Variants in VPS13B observed in about 807,000 individuals in gnomAD.
VPS13B encodes the protein intermembrane lipid transfer protein VPS13B.
A neutral mutation model predicts 426.4 loss-of-function variants in VPS13B; 285 were observed. The ratio of observed to expected loss-of-function variants is 0.67; its 90% CI spans 0.61 to 0.74. The LOEUF (loss-of-function observed/expected upper bound fraction) is 0.74. VPS13B is among the 30% of genes least tolerant of loss of function. VPS13B has a pLI of 0.00. For missense variants in VPS13B, 4,537 were observed against 4,782.6 expected (o/e 0.95, Z 1.51); for synonymous variants, 1,676 against 1,676.4 (o/e 1.00, Z 0.01).
chr8:99,423,331 A>G (rs891606959), intron 21 of VPS13B, among the ~76,000 whole-genome samples: 16 of 151,608 alleles, frequency 1.1e-4, no homozygotes, highest in African/African-American at 3.6e-4. Flanking sequence ...AACTTGACTC[A>G]CTGCAGCCTT....
chr8:99,280,775 A>T (rs1345683457), intron 19 of VPS13B, among the ~76,000 whole-genome samples: 1 of 152,104 alleles, frequency 6.6e-6, no homozygotes, highest in Non-Finnish European at 1.5e-5. Flanking sequence ...TCCTGGTCTG[A>T]TTTTATTCTT....
At chr8:99,571,975 C>T (rs528671801) in intron 31 of VPS13B, among the ~76,000 whole-genome samples, 1 of 152,124 alleles carries the variant, frequency 6.6e-6, no homozygotes. Flanking sequence ...AGAGTATTCT[C>T]TGGACTACTC....
At chr8:99,460,440 T>C (rs1176368614) in intron 23 of VPS13B, among the ~76,000 whole-genome samples, 1 of 152,174 alleles carries the variant, frequency 6.6e-6, no homozygotes, top group Non-Finnish European at 1.5e-5. Context: ...TACAGTGTTA[T>C]AATTATTGTT....
chr8:99,135,536 A>G (rs888658495), intron 10 of VPS13B, 60 bp from the exon 11 acceptor site: 1 of 1,581,422 alleles, frequency 6.3e-7, no homozygotes, highest in Non-Finnish European at 8.6e-7. Context: ...TCAAGGTTTT[A>G]TTTTGTTTAA....
At chr8:99,650,425 A>G (rs1402145773) in intron 34 of VPS13B, among the ~76,000 whole-genome samples, 1 of 152,188 alleles carries the variant, frequency 6.6e-6, no homozygotes, top group Non-Finnish European at 1.5e-5. Flanking sequence ...TCCCCAGCAC[A>G]TGTGACTGAT....
chr8:99,619,678 C>G (rs1011645558), intron 33 of VPS13B, among the ~76,000 whole-genome samples: 1 of 152,058 alleles, frequency 6.6e-6, no homozygotes, highest in African/African-American at 2.4e-5. Flanking sequence ...TTGAGACCAG[C>G]CTGGGCAATA....
chr8:99,610,451 G>A lies in VPS13B; in HGVS notation c.5221-31360G>A, dbSNP rs538345402. Among the ~76,000 whole-genome samples the A allele has an allele frequency of 2.6e-5, 4 of 152,258 alleles. No homozygotes were observed. In the South Asian group the frequency reaches 8.3e-4, roughly 32 times the overall value. Reference sequence around the variant, plus strand: ...TGTCCTTTGCGGGGACATGGATGAAGCTGGAAACCATCATTCTCAGCAAAC... The same window carrying A: ...TGTCCTTTGCGGGGACATGGATGAAACTGGAAACCATCATTCTCAGCAAAC... On this transcript the variant is annotated intron_variant, in intron 33 of 61. Coordinates refer to ENST00000357162, the MANE Select transcript of VPS13B (RefSeq NM_152564.5).
At chr8:99,282,511 A>G (rs1469644130) in intron 19 of VPS13B, among the ~76,000 whole-genome samples, 1 of 152,192 alleles carries the variant, frequency 6.6e-6, no homozygotes, top group African/African-American at 2.4e-5. Context: ...ACATTAGTTT[A>G]TGAACCTACT....
intron 21 of VPS13B, among the ~76,000 whole-genome samples, chr8:99,430,468 T>C (rs759129583): frequency 6.6e-6 from 1 of 152,188 alleles, no homozygotes; most frequent in Non-Finnish European, 1.5e-5. Flanking sequence ...ATTATATAAA[T>C]GTATCCAGTT....
At chr8:99,845,478 T>C (rs1342023721) in intron 54 of VPS13B, among the ~76,000 whole-genome samples, 1 of 152,106 alleles carries the variant, frequency 6.6e-6, no homozygotes, top group Non-Finnish European at 1.5e-5. Flanking sequence ...ACCTAGAGAG[T>C]TGGCTGAGGT....
Position 99,876,281 on chromosome 8 carries a change from G to A in VPS13B, c.*615G>A, listed in dbSNP as rs1401696443. 1 of 153,902 alleles carries A rather than the reference G, an allele frequency of 6.5e-6. No individual in the cohort carries two copies. The highest frequency in any genetic ancestry group is 6.4e-5 in the Admixed American group (1 of 15,692). The allele number at this position is 153,902 out of a possible 1,614,324, so 9.5% of individuals were successfully genotyped here. A position where few individuals can be genotyped will look rare whatever the true frequency, so the allele number is the denominator to read the frequency against. ...TAGGACTTTGTGGCTTGTTACATTT[G>A]TCATTTAACTGCAGTGCTATTCTTT... On this transcript the variant is annotated 3_prime_UTR_variant, in exon 62 of 62. Transcript: ENST00000357162.
intron 19 of VPS13B, among the ~76,000 whole-genome samples, chr8:99,335,526 G>A (rs954662224): frequency 1.3e-5 from 2 of 152,014 alleles, no homozygotes; most frequent in African/African-American, 2.4e-5. Flanking sequence ...CAATTAGGCA[G>A]GAGAAGGAAA....
intron 33 of VPS13B, among the ~76,000 whole-genome samples, chr8:99,608,936 C>T (rs538271093): frequency 6.6e-6 from 1 of 151,862 alleles, no homozygotes; most frequent in East Asian, 1.9e-4. Context: ...TTGTTTCCAC[C>T]TTTTGGCTAT....
At chr8:99,013,707 C>G in intron 1 of VPS13B, 53 bp from the exon 2 acceptor site, 1 of 1,561,024 alleles carries the variant, frequency 6.4e-7, no homozygotes, top group Non-Finnish European at 8.8e-7. Flanking sequence ...ATAACGAACG[C>G]TCTTTCCTTC....
chr8:99,436,169 G>A (rs1474188541), intron 22 of VPS13B, among the ~76,000 whole-genome samples: 1 of 152,164 alleles, frequency 6.6e-6, no homozygotes, highest in African/African-American at 2.4e-5. Context: ...GGTCAGCAAT[G>A]TCAAATTCTA....
At chr8:99,505,633 A>G (rs1202968498) in intron 27 of VPS13B, among the ~76,000 whole-genome samples, 1 of 152,176 alleles carries the variant, frequency 6.6e-6, no homozygotes, top group African/African-American at 2.4e-5. Context: ...CACTGATCAC[A>G]GATCACCATA....
intron 20 of VPS13B, among the ~76,000 whole-genome samples, chr8:99,388,845 C>A (rs949892531): frequency 6.6e-6 from 1 of 152,268 alleles, no homozygotes; most frequent in East Asian, 1.9e-4. Flanking sequence ...TAATTCTTGC[C>A]TGTGTGAAAA....
intron 17 of VPS13B, among the ~76,000 whole-genome samples, chr8:99,245,768 T>G (rs78954916): frequency 0.065 from 9,939 of 152,252 alleles, 348 homozygotes; most frequent in South Asian, 0.098. Context: ...GGCCTCAAAC[T>G]CCTGGCCTCA....
At position 99,493,003 on chromosome 8, in the gene VPS13B, C is replaced by T. The variant is rs758153658; in HGVS notation, c.3871-8684C>T. 4.6e-5 allele frequency among the ~76,000 whole-genome samples: 7 copies of T among 152,146 alleles called. No individual in the cohort carries two copies. In the East Asian group the frequency reaches 5.8e-4, roughly 13 times the overall value. On this transcript the variant is annotated intron_variant, in intron 25 of 61. Coordinates refer to ENST00000357162, the MANE Select transcript of VPS13B (RefSeq NM_152564.5). ...TGTTCCTATTCTGTCATCTTGGAAG[C>T]GACTTCGAAATTATTATATACGTAA...
Sources: gnomAD v4.1 joint callset for allele counts (sites outside exome capture counted in the v4.1 genomes callset) on GRCh38, gnomAD v4.1.1 for gene constraint, MANE v1.5 for transcripts, NCBI Gene and HGNC (gene_info 2026-07-23, HGNC 2026-07-21) for gene names.